CDC42BPA: variants seen among roughly 807,000 people sequenced by gnomAD.
CDC42BPA encodes the protein serine/threonine-protein kinase MRCK alpha.
Under a neutral mutation model 223.5 loss-of-function variants are expected in CDC42BPA, and 80 were observed. The ratio of observed to expected loss-of-function variants is 0.36; its 90% CI spans 0.30 to 0.43. The LOEUF is 0.43. Among genes scored for constraint, CDC42BPA ranks in the 20% least tolerant of loss-of-function variants. The pLI is 1.00. For synonymous variants in CDC42BPA, 694 were observed against 718.6 expected (o/e 0.97, Z 0.55); for missense variants, 1,743 against 2,099.9 (o/e 0.83, Z 3.32).
intron 2 of CDC42BPA, among the ~76,000 whole-genome samples, chr1:227,238,347 A>AC (rs1327717729): frequency 2.1e-5 from 3 of 144,924 alleles, no homozygotes; most frequent in Non-Finnish European, 4.6e-5. Context: ...GTCTCATTAA[A>AC]AAAACAAACA....
intron 34 of CDC42BPA, among the ~76,000 whole-genome samples, chr1:227,012,467 A>AC (rs139421460): frequency 0.35 from 52,593 of 152,004 alleles, 10,384 homozygotes; most frequent in Non-Finnish European, 0.46. Flanking sequence ...CCTTAGCCTC[A>AC]CTTCTCCTTC....
At chr1:227,308,528 A>AAAAAAAAAC (rs1553445052) in intron 1 of CDC42BPA, among the ~76,000 whole-genome samples, 1 of 146,226 alleles carries the variant, frequency 6.8e-6, no homozygotes, top group Non-Finnish European at 1.5e-5. Context: ...AAAAAAAAAA[A>AAAAAAAAAC]CAGAATGGGA....
chr1:227,151,178 C>G (rs182697878), intron 6 of CDC42BPA, among the ~76,000 whole-genome samples: 2 of 152,134 alleles, frequency 1.3e-5, no homozygotes, highest in Admixed American at 1.3e-4. Context: ...CCCCTAGACC[C>G]TGGAAGCCAC....
chr1:227,067,598 T>C (rs972179452), intron 21 of CDC42BPA, among the ~76,000 whole-genome samples: 8 of 152,158 alleles, frequency 5.3e-5, no homozygotes, highest in African/African-American at 1.2e-4. Context: ...TATCACACTA[T>C]AGAGTTAACC....
chr1:227,136,626 C>T (rs1222175969), intron 10 of CDC42BPA, among the ~76,000 whole-genome samples: 1 of 152,118 alleles, frequency 6.6e-6, no homozygotes, highest in Non-Finnish European at 1.5e-5. Context: ...AAGTTAAGGA[C>T]ATAATACTGA....
intron 1 of CDC42BPA, among the ~76,000 whole-genome samples, chr1:227,313,935 A>G (rs1693953046): frequency 6.6e-6 from 1 of 152,122 alleles, no homozygotes; most frequent in Non-Finnish European, 1.5e-5. Flanking sequence ...TACAAAGTCC[A>G]AAATTCAAAA....
chr1:227,162,456 T>C (rs1664087062), intron 5 of CDC42BPA, among the ~76,000 whole-genome samples: 1 of 152,228 alleles, frequency 6.6e-6, no homozygotes, highest in African/African-American at 2.4e-5. Flanking sequence ...TAAAACTATG[T>C]ACTTTTTAAA....
At chr1:227,082,997 C>T (rs189835464) in intron 16 of CDC42BPA, among the ~76,000 whole-genome samples, 14 of 151,956 alleles carry the variant, frequency 9.2e-5, no homozygotes, top group South Asian at 8.3e-4. Context: ...GGTTTCTGGC[C>T]GCTTTTCTAG....
In CDC42BPA at chr1:226,997,228, T is replaced by C. The variant is rs547278795; in HGVS notation, c.4976-2248A>G. Reference sequence around the variant, plus strand: ...GAATTTATCCATTTCTTCTAGATTTTCTATTTTATTTCTGTAGAGGTGTTT... The same window carrying C: ...GAATTTATCCATTTCTTCTAGATTTCCTATTTTATTTCTGTAGAGGTGTTT... On this transcript the variant is annotated intron_variant, in intron 35 of 36. Transcript: ENST00000366766. Among the ~76,000 whole-genome samples the C allele has an allele frequency of 1.1e-4, 16 of 152,356 alleles. 1 individual carries two copies. Among genetic ancestry groups the C allele is most frequent in the African/African-American group, 3.8e-4 (16 of 41,592 alleles).
intron 1 of CDC42BPA, among the ~76,000 whole-genome samples, chr1:227,300,730 T>A (rs916131674): frequency 7.9e-5 from 12 of 152,284 alleles, no homozygotes; most frequent in Admixed American, 3.9e-4. Flanking sequence ...AAATGTACAG[T>A]ACTCAGGTGA....
chr1:227,233,644 C>T (rs1051103962), intron 2 of CDC42BPA, among the ~76,000 whole-genome samples: 1 of 152,108 alleles, frequency 6.6e-6, no homozygotes, highest in African/African-American at 2.4e-5. Context: ...TTTCAAAGAG[C>T]CATTTTGGGC....
At chr1:227,058,228 T>C (rs1675003658) in intron 21 of CDC42BPA, among the ~76,000 whole-genome samples, 1 of 152,246 alleles carries the variant, frequency 6.6e-6, no homozygotes, top group Non-Finnish European at 1.5e-5. Context: ...TACAGGTATC[T>C]GAAATGCTTA....
intron 20 of CDC42BPA, among the ~76,000 whole-genome samples, 162 bp from the exon 21 acceptor site, chr1:227,070,015 A>G (rs1017134708): frequency 1.2e-4 from 18 of 151,904 alleles, no homozygotes; most frequent in African/African-American, 1.7e-4. Flanking sequence ...AAAATACACT[A>G]GTGTTTCCTA....
chr1:227,280,464 T>A (rs1248173142), intron 1 of CDC42BPA, among the ~76,000 whole-genome samples: 1 of 152,158 alleles, frequency 6.6e-6, no homozygotes, highest in African/African-American at 2.4e-5. Context: ...CATTGTGAAA[T>A]GGGAGTGGAA....
chr1:227,164,078 C>T (rs1664593828), intron 5 of CDC42BPA, among the ~76,000 whole-genome samples: 1 of 152,066 alleles, frequency 6.6e-6, no homozygotes, highest in African/African-American at 2.4e-5. Context: ...AGTTGACAAT[C>T]TTTACAGTGA....
chr1:227,064,401 T>A (rs1398957232), intron 21 of CDC42BPA, among the ~76,000 whole-genome samples: 2 of 152,214 alleles, frequency 1.3e-5, no homozygotes, highest in Admixed American at 1.3e-4. Flanking sequence ...ATTAGTATTA[T>A]CTATAATACT....
In CDC42BPA at chr1:227,088,737, A is replaced by T. The variant is rs537160747; in HGVS notation, c.2355+3149T>A. On this transcript the variant is annotated intron_variant, in intron 16 of 36. Coordinates refer to ENST00000366766, the MANE Select transcript of CDC42BPA (RefSeq NM_001394014.1). ...TATATTTGCAATGATATATATATAT[A>T]TTTTTTGAGACAGACTGTCGCTCTG... is the stretch of plus-strand genomic sequence containing the variant. Among the ~76,000 whole-genome samples, 367 of 152,108 alleles carry T rather than the reference A, an allele frequency of 2.4e-3. 2 individuals are homozygous for T. The highest frequency in any genetic ancestry group is 7.7e-3 in the African/African-American group (320 of 41,510).
At chr1:227,315,483 C>G (rs940536028) in intron 1 of CDC42BPA, among the ~76,000 whole-genome samples, 1 of 151,592 alleles carries the variant, frequency 6.6e-6, no homozygotes, top group African/African-American at 2.4e-5. Flanking sequence ...GGAAAGAATA[C>G]TAAATGACAA....
chr1:227,018,571 G>A (rs1229281426), intron 32 of CDC42BPA, among the ~76,000 whole-genome samples: 1 of 152,142 alleles, frequency 6.6e-6, no homozygotes, highest in Non-Finnish European at 1.5e-5. Flanking sequence ...CACATAGTGG[G>A]TATGAACACA....
Sources: allele counts gnomAD v4.1 joint callset (sites outside exome capture counted in the v4.1 genomes callset), GRCh38; gene constraint gnomAD v4.1.1; transcripts MANE v1.5; gene names NCBI Gene and HGNC (gene_info 2026-07-23, HGNC 2026-07-21).